The following DLGAP2 variants were observed in gnomAD, a reference collection of about 807,000 sequenced individuals.
The protein encoded by DLGAP2 is disks large-associated protein 2.
In DLGAP2, 26 loss-of-function variants were observed where a neutral mutation model predicts 100.3. The ratio of observed to expected loss-of-function variants is 0.26; its 90% CI spans 0.19 to 0.36. DLGAP2 has a LOEUF of 0.36. Ranked by LOEUF, DLGAP2 falls within the 10% of genes least tolerant of loss-of-function variation. The pLI is 1.00. For missense variants in DLGAP2, 1,858 were observed against 1,453.2 expected, an observed-to-expected ratio of 1.28 and a Z score of -4.53; for synonymous variants, 886 against 630.1, an observed-to-expected ratio of 1.41 and a Z score of -6.08.
rs533250085 is a variant in DLGAP2, at chr8:1,463,732, T to G, written c.107-37634T>G. Reference sequence around the variant, plus strand: ...CAGGCACTGGCCACGTTGAACATGGTGTGAGCGGCCCAGGCCCTCCTCCGT... The same window carrying G: ...CAGGCACTGGCCACGTTGAACATGGGGTGAGCGGCCCAGGCCCTCCTCCGT... On this transcript the variant is annotated intron_variant, in intron 3 of 14. Coordinates refer to ENST00000637795, the MANE Select transcript of DLGAP2 (RefSeq NM_001346810.2). Among the ~76,000 whole-genome samples, 26 of 152,306 alleles carry G rather than the reference T, an allele frequency of 1.7e-4. No homozygotes were observed. In the South Asian group the frequency reaches 5.4e-3, roughly 32 times the overall value.
At chr8:1,548,151 C>G (rs1045011623) in intron 4 of DLGAP2, among the ~76,000 whole-genome samples, 1 of 152,100 alleles carries the variant, frequency 6.6e-6, no homozygotes, top group African/African-American at 2.4e-5. Context: ...CCACTCCTCA[C>G]ACTTTGCGAT....
chr8:1,171,330 G>A (rs1231983639), intron 2 of DLGAP2, among the ~76,000 whole-genome samples: 1 of 152,156 alleles, frequency 6.6e-6, no homozygotes, highest in Non-Finnish European at 1.5e-5. Flanking sequence ...GAATCGGTGT[G>A]GTTTGGTGCT....
chr8:1,651,362 T>C (rs1267140963), intron 8 of DLGAP2, among the ~76,000 whole-genome samples: 1 of 152,110 alleles, frequency 6.6e-6, no homozygotes, highest in Non-Finnish European at 1.5e-5. Context: ...ACTTGGAAGT[T>C]CCAAATCCCG....
At chr8:1,114,452 T>C (rs2129046439) in intron 2 of DLGAP2, among the ~76,000 whole-genome samples, 1 of 152,312 alleles carries the variant, frequency 6.6e-6, no homozygotes, top group African/African-American at 2.4e-5. Flanking sequence ...CAGGAATTTA[T>C]CCATCTCTTC....
At chr8:818,557 C>T (rs556123486) in intron 1 of DLGAP2, among the ~76,000 whole-genome samples, 22 of 152,234 alleles carry the variant, frequency 1.4e-4, no homozygotes, top group African/African-American at 4.1e-4. Flanking sequence ...ATGTTCCTGC[C>T]GTAGTTCTTG....
chr8:1,503,419 C>G (rs1198184183), intron 4 of DLGAP2, among the ~76,000 whole-genome samples: 2 of 152,088 alleles, frequency 1.3e-5, no homozygotes, highest in Non-Finnish European at 2.9e-5. Flanking sequence ...GGGGTAATGT[C>G]TTCTTGTTAC....
At chr8:907,868 C>A in intron 1 of DLGAP2, 44 bp from the exon 2 acceptor site, 1 of 398,432 alleles carries the variant, frequency 2.5e-6, no homozygotes, top group Non-Finnish European at 4.4e-6. Flanking sequence ...CCTTCCTCCA[C>A]GCGAATGATA....
At chr8:1,492,384 C>T (rs1009649841) in intron 3 of DLGAP2, among the ~76,000 whole-genome samples, 4 of 152,192 alleles carry the variant, frequency 2.6e-5, no homozygotes, top group African/African-American at 4.8e-5. Context: ...AATGTAGGCT[C>T]GAGCGTGCTT....
intron 3 of DLGAP2, among the ~76,000 whole-genome samples, chr8:1,407,456 C>T (rs373956798): frequency 4.2e-5 from 6 of 141,866 alleles, no homozygotes; most frequent in Non-Finnish European, 7.7e-5. Flanking sequence ...GCTTACTGAG[C>T]GCCACCTCCT....
At chr8:1,441,898 G>T (rs774682155) in intron 3 of DLGAP2, among the ~76,000 whole-genome samples, 2 of 151,862 alleles carry the variant, frequency 1.3e-5, no homozygotes, top group Non-Finnish European at 2.9e-5. Context: ...TATCAATGTG[G>T]TCCATATACA....
intron 12 of DLGAP2, among the ~76,000 whole-genome samples, chr8:1,687,131 C>A (rs1029614359): frequency 1.3e-5 from 2 of 152,182 alleles, no homozygotes; most frequent in African/African-American, 4.8e-5. Context: ...ACAAGGGAAT[C>A]TCAGGGGATC....
chr8:1,250,913 C>G (rs896254197), intron 2 of DLGAP2, among the ~76,000 whole-genome samples: 2 of 152,160 alleles, frequency 1.3e-5, no homozygotes, highest in African/African-American at 4.8e-5. Flanking sequence ...GTTGTGTTGT[C>G]TTCATTTGTA....
intron 2 of DLGAP2, among the ~76,000 whole-genome samples, chr8:1,233,885 G>A (rs1369214289): frequency 3.3e-5 from 5 of 152,242 alleles, no homozygotes; most frequent in South Asian, 2.1e-4. Context: ...AGTGTCACAC[G>A]GATGTATATG....
At chr8:1,683,784 T>C (rs1263769458) in intron 12 of DLGAP2, among the ~76,000 whole-genome samples, 1 of 136,906 alleles carries the variant, frequency 7.3e-6, no homozygotes, top group African/African-American at 2.8e-5. Context: ...ACACTTCCCA[T>C]TCTATAGACA....
chr8:969,408 G>A (rs112894780), intron 2 of DLGAP2, among the ~76,000 whole-genome samples: 3 of 152,184 alleles, frequency 2.0e-5, no homozygotes, highest in African/African-American at 7.2e-5. Context: ...CAGCCTATTA[G>A]TTTCTCTGGA....
At chr8:1,539,508 C>G (rs944002470) in intron 4 of DLGAP2, among the ~76,000 whole-genome samples, 1 of 152,146 alleles carries the variant, frequency 6.6e-6, no homozygotes, top group Non-Finnish European at 1.5e-5. Flanking sequence ...GTGCCTGGAG[C>G]CAGAAGCGCG....
At chr8:988,760 C>T (rs1363017138) in intron 2 of DLGAP2, among the ~76,000 whole-genome samples, 1 of 152,198 alleles carries the variant, frequency 6.6e-6, no homozygotes, top group African/African-American at 2.4e-5. Flanking sequence ...TCCCTAGACC[C>T]AGGGCCTGTC....
At chr8:1,552,084 T>C (rs529956286) in intron 5 of DLGAP2, among the ~76,000 whole-genome samples, 1 of 152,318 alleles carries the variant, frequency 6.6e-6, no homozygotes, top group Admixed American at 6.5e-5. Context: ...CCAGACACTC[T>C]GGTCCTGTTG....
At chr8:1,589,700 A>G (rs566879037) in intron 6 of DLGAP2, among the ~76,000 whole-genome samples, 4 of 152,306 alleles carry the variant, frequency 2.6e-5, no homozygotes, top group African/African-American at 9.6e-5. Context: ...CACCCGCCCA[A>G]GGCTGTTTTT....
Sources: allele counts gnomAD v4.1 joint callset (sites outside exome capture counted in the v4.1 genomes callset), GRCh38; gene constraint gnomAD v4.1.1; transcripts MANE v1.5; gene names NCBI Gene and HGNC (gene_info 2026-07-23, HGNC 2026-07-21).